MARCHF1: variants seen among roughly 807,000 people sequenced by gnomAD.
MARCHF1 encodes E3 ubiquitin-protein ligase MARCHF1.
Under a neutral mutation model 54.2 loss-of-function variants are expected in MARCHF1, and 40 were observed. That is an observed-to-expected ratio of 0.74 (90% CI 0.57 to 0.96). MARCHF1 has a LOEUF of 0.96. Ranked by LOEUF, MARCHF1 falls within the 40% of genes least tolerant of loss-of-function variation. MARCHF1 has a pLI of 0.00. For synonymous variants in MARCHF1, 236 were observed against 236.3 expected (o/e 1.00, Z 0.01); for missense variants, 586 against 656.5 (o/e 0.89, Z 1.17).
intron 1 of MARCHF1, among the ~76,000 whole-genome samples, chr4:164,365,741 CCT>C (rs1388450676): frequency 6.6e-6 from 1 of 152,020 alleles, no homozygotes; most frequent in African/African-American, 2.4e-5. Flanking sequence ...GATTTGAACT[CCT>C]GTTTGTTGAT....
At chr4:163,567,769 C>A (rs953044683) in intron 8 of MARCHF1, among the ~76,000 whole-genome samples, 1 of 152,064 alleles carries the variant, frequency 6.6e-6, no homozygotes, top group Non-Finnish European at 1.5e-5. Context: ...TGCTCAGTCT[C>A]GGGTATGTCT....
chr4:163,611,491 A>G (rs942703247), intron 7 of MARCHF1, among the ~76,000 whole-genome samples: 2 of 152,198 alleles, frequency 1.3e-5, no homozygotes, highest in Non-Finnish European at 1.5e-5. Flanking sequence ...CAGAATCTAA[A>G]CAGCTTAAAT....
chr4:163,901,650 G>A (rs2111307711), intron 3 of MARCHF1, among the ~76,000 whole-genome samples: 1 of 152,324 alleles, frequency 6.6e-6, no homozygotes, highest in South Asian at 2.1e-4. Flanking sequence ...CAAATGGGTT[G>A]TGAAGGCCTA....
chr4:164,031,901 G>T lies in MARCHF1; in HGVS notation c.-247-43192C>A, dbSNP rs147740762. Among the ~76,000 whole-genome samples the T allele has an allele frequency of 6.4e-3, 970 of 152,246 alleles. 4 individuals carry two copies. Among genetic ancestry groups the T allele is most frequent in the Non-Finnish European group, 8.7e-3 (591 of 68,010 alleles). ...CAATTGTTTGGAAAAATTTCAGAAGGAATAGTACCAGCTCCTCTTTGTACC... is the reference window on the plus strand; with the variant it reads ...CAATTGTTTGGAAAAATTTCAGAAGTAATAGTACCAGCTCCTCTTTGTACC... On this transcript the variant is annotated intron_variant, in intron 2 of 9. Transcript: ENST00000514618.
At chr4:163,948,926 T>C (rs749350761) in intron 3 of MARCHF1, among the ~76,000 whole-genome samples, 1 of 152,176 alleles carries the variant, frequency 6.6e-6, no homozygotes, top group Non-Finnish European at 1.5e-5. Context: ...GGATTGTGAA[T>C]GGAGAACAAG....
At chr4:163,979,057 CAT>C (rs2110861291) in intron 3 of MARCHF1, among the ~76,000 whole-genome samples, 1 of 138,378 alleles carries the variant, frequency 7.2e-6, no homozygotes, top group African/African-American at 2.8e-5. Context: ...TTTTAGGGTA[CAT>C]GTGCACATTG....
chr4:163,543,551 G>C (rs749259938), intron 9 of MARCHF1, among the ~76,000 whole-genome samples: 33 of 152,064 alleles, frequency 2.2e-4, no homozygotes, highest in Non-Finnish European at 3.8e-4. Context: ...GTAGGAGTGG[G>C]AAATGAATTT....
chr4:163,988,569 C>G lies in MARCHF1; in HGVS notation c.-107G>C, dbSNP rs1752913063. ...CTCCCATTGCTGGCAGTCTCCCGTG[C>G]TGGGATTACGGAAATCTGGTGGAGG... On this transcript the variant is annotated 5_prime_UTR_variant, in exon 3 of 10. Coordinates refer to ENST00000514618, the MANE Select transcript of MARCHF1 (RefSeq NM_001394959.1). 3 of 152,326 alleles carry G rather than the reference C, an allele frequency of 2.0e-5. 1 individual carries two copies. In the South Asian group the frequency reaches 6.2e-4, roughly 32 times the overall value. The allele number at this position is 152,326 out of a possible 1,614,324, so 9.4% of individuals were successfully genotyped here. A position where few individuals can be genotyped will look rare whatever the true frequency, so the allele number is the denominator to read the frequency against.
In MARCHF1 at chr4:163,631,966, G is replaced by A. The variant is rs1235379527; in HGVS notation, c.163-18573C>T. 3.9e-5 allele frequency among the ~76,000 whole-genome samples: 6 copies of A among 152,082 alleles called. No individual in the cohort carries two copies. In the East Asian group the frequency reaches 1.2e-3, roughly 29 times the overall value. Reference sequence around the variant, plus strand: ...ATTTCTTGAGAGAAGATACACCAACGGCCAAAAAACACATGAAAAGATGTT... The same window carrying A: ...ATTTCTTGAGAGAAGATACACCAACAGCCAAAAAACACATGAAAAGATGTT... On this transcript the variant is annotated intron_variant, in intron 5 of 9. Coordinates refer to ENST00000514618, the MANE Select transcript of MARCHF1 (RefSeq NM_001394959.1).
intron 4 of MARCHF1, among the ~76,000 whole-genome samples, chr4:163,730,006 T>C (rs1475192574): frequency 2.6e-5 from 4 of 152,136 alleles, no homozygotes; most frequent in Non-Finnish European, 5.9e-5. Flanking sequence ...TTTCAGATTT[T>C]CTCTGTGCTC....
At chr4:163,959,247 T>C (rs1179137756) in intron 3 of MARCHF1, among the ~76,000 whole-genome samples, 2 of 151,548 alleles carry the variant, frequency 1.3e-5, no homozygotes, top group African/African-American at 4.8e-5. Context: ...GCTAGTCTGC[T>C]CAGGTTGCAA....
chr4:164,241,859 G>C (rs1376720730), intron 1 of MARCHF1, among the ~76,000 whole-genome samples: 3 of 152,180 alleles, frequency 2.0e-5, no homozygotes, highest in Non-Finnish European at 4.4e-5. Context: ...CCAAAGAAAG[G>C]GGTGACGGAT....
intron 1 of MARCHF1, among the ~76,000 whole-genome samples, chr4:164,349,040 A>G (rs1340155870): frequency 2.0e-5 from 3 of 152,190 alleles, no homozygotes; most frequent in African/African-American, 7.2e-5. Context: ...TTTTCCCACC[A>G]GATGGAAATG....
intron 2 of MARCHF1, among the ~76,000 whole-genome samples, chr4:164,034,638 A>G (rs933977557): frequency 1.3e-5 from 2 of 152,100 alleles, no homozygotes; most frequent in African/African-American, 2.4e-5. Context: ...GTGTGTGTAT[A>G]TATATATATA....
At chr4:163,592,879 C>T (rs1482649779) in intron 7 of MARCHF1, among the ~76,000 whole-genome samples, 1 of 152,048 alleles carries the variant, frequency 6.6e-6, no homozygotes. Context: ...AAGATTCCCC[C>T]ATTCCCTCTA....
chr4:163,820,568 G>T (rs1343915392), intron 4 of MARCHF1, among the ~76,000 whole-genome samples: 1 of 151,850 alleles, frequency 6.6e-6, no homozygotes, highest in African/African-American at 2.4e-5. Context: ...ATCTTACTTT[G>T]GATATTCAAA....
At chr4:164,027,684 G>T (rs1412096995) in intron 2 of MARCHF1, among the ~76,000 whole-genome samples, 3 of 151,906 alleles carry the variant, frequency 2.0e-5, no homozygotes, top group African/African-American at 4.8e-5. Flanking sequence ...CTCAATATCA[G>T]CCTTGGCAAA....
intron 1 of MARCHF1, among the ~76,000 whole-genome samples, chr4:164,304,529 A>T (rs908390457): frequency 6.6e-6 from 1 of 152,198 alleles, no homozygotes; most frequent in Non-Finnish European, 1.5e-5. Flanking sequence ...TTCTTTAATG[A>T]TCATTTCTAA....
intron 1 of MARCHF1, among the ~76,000 whole-genome samples, chr4:164,241,310 C>T (rs777270191): frequency 1.3e-4 from 20 of 152,246 alleles, no homozygotes; most frequent in Admixed American, 5.9e-4. Flanking sequence ...TGAGAAATAC[C>T]TCCAGTCCTT....
Sources: gnomAD v4.1 joint callset for allele counts (sites outside exome capture counted in the v4.1 genomes callset) on GRCh38, gnomAD v4.1.1 for gene constraint, MANE v1.5 for transcripts, NCBI Gene and HGNC (gene_info 2026-07-23, HGNC 2026-07-21) for gene names.